The following TTC27 variants were observed in gnomAD, a reference collection of about 807,000 sequenced individuals.
TTC27 encodes the protein tetratricopeptide repeat protein 27.
A neutral mutation model predicts 115.9 loss-of-function variants in TTC27; 79 were observed. The ratio of observed to expected loss-of-function variants is 0.68; its 90% CI spans 0.57 to 0.82. The LOEUF is 0.82. Among genes scored for constraint, TTC27 ranks in the 40% least tolerant of loss-of-function variants. The pLI, the probability that TTC27 is intolerant of heterozygous loss-of-function variation, is 0.00. For missense variants in TTC27, 1,054 were observed against 993.1 expected, an observed-to-expected ratio of 1.06 and a Z score of -0.82; for synonymous variants, 401 against 356.0, an observed-to-expected ratio of 1.13 and a Z score of -1.42.
At chr2:32,793,549 G>A (rs1220344500) in intron 16 of TTC27, among the ~76,000 whole-genome samples, 1 of 152,168 alleles carries the variant, frequency 6.6e-6, no homozygotes, top group Admixed American at 6.5e-5. Context: ...TTGAGATGGA[G>A]TCTCGCTCTG....
chr2:32,735,026 A>G (rs997702843), intron 11 of TTC27, among the ~76,000 whole-genome samples: 1 of 152,168 alleles, frequency 6.6e-6, no homozygotes, highest in Non-Finnish European at 1.5e-5. Flanking sequence ...TATTTTAACC[A>G]GTTTTCTGTC....
At chr2:32,760,409 TGGGGACGTGTGGG>T (rs759669046) in intron 13 of TTC27, among the ~76,000 whole-genome samples, 3 of 152,082 alleles carry the variant, frequency 2.0e-5, no homozygotes, top group African/African-American at 4.8e-5. Flanking sequence ...GTTTTGACAG[TGGGGACGTGTGGG>T]GATGTGCTAC....
chr2:32,647,121 A>C (rs1221960138), intron 4 of TTC27, among the ~76,000 whole-genome samples: 1 of 151,822 alleles, frequency 6.6e-6, no homozygotes, highest in Non-Finnish European at 1.5e-5. Context: ...CCTAAAAAAC[A>C]ATTTTTGTAG....
At chr2:32,657,356 T>C (rs916939851) in intron 5 of TTC27, among the ~76,000 whole-genome samples, 8 of 147,730 alleles carry the variant, frequency 5.4e-5, no homozygotes, top group African/African-American at 2.0e-4. Context: ...TGTCTTTCTT[T>C]TTTTTTTTTT....
chr2:32,698,034 A>T (rs980911164), intron 9 of TTC27, among the ~76,000 whole-genome samples: 1 of 152,182 alleles, frequency 6.6e-6, no homozygotes, highest in Non-Finnish European at 1.5e-5. Context: ...GTGCCTGGCC[A>T]GTAATAATTA....
intron 10 of TTC27, among the ~76,000 whole-genome samples, chr2:32,725,292 C>G (rs1370211165): frequency 2.6e-5 from 4 of 152,180 alleles, no homozygotes; most frequent in Non-Finnish European, 4.4e-5. Context: ...GAAGTCTCAT[C>G]CAAGACAAGG....
intron 9 of TTC27, among the ~76,000 whole-genome samples, chr2:32,682,299 C>T (rs1206894755): frequency 1.3e-5 from 2 of 151,954 alleles, no homozygotes; most frequent in African/African-American, 2.4e-5. Context: ...CTTTCTCTTC[C>T]GTAAAATGGG....
At chr2:32,637,330 TTTTC>T (rs1664466310) in intron 3 of TTC27, among the ~76,000 whole-genome samples, 2 of 152,048 alleles carry the variant, frequency 1.3e-5, no homozygotes, top group Admixed American at 6.6e-5. Flanking sequence ...TTCTTTTTCT[TTTTC>T]TTTCTTTTTT....
chr2:32,754,469 A>G (rs1291214265), intron 12 of TTC27, among the ~76,000 whole-genome samples: 1 of 149,770 alleles, frequency 6.7e-6, no homozygotes, highest in African/African-American at 2.5e-5. Context: ...GGGTAAGGTC[A>G]TAGATCAACA....
At chr2:32,725,735 G>T (rs1427565874) in intron 10 of TTC27, among the ~76,000 whole-genome samples, 1 of 152,226 alleles carries the variant, frequency 6.6e-6, no homozygotes, top group Non-Finnish European at 1.5e-5. Flanking sequence ...CAGTGCCTCA[G>T]TAGGGACTCT....
At chr2:32,763,313 T>C (rs1291989085) in intron 13 of TTC27, among the ~76,000 whole-genome samples, 1 of 152,230 alleles carries the variant, frequency 6.6e-6, no homozygotes, top group Admixed American at 6.5e-5. Context: ...AGAACGCCTA[T>C]ATGCTATGTT....
At chr2:32,780,901 A>T (rs1670154593) in intron 14 of TTC27, among the ~76,000 whole-genome samples, 1 of 151,200 alleles carries the variant, frequency 6.6e-6, no homozygotes, top group Non-Finnish European at 1.5e-5. Flanking sequence ...AAAGATCTAA[A>T]TTTAATGTTT....
chr2:32,762,298 TG>T (rs1402541070), intron 13 of TTC27, among the ~76,000 whole-genome samples: 6 of 149,452 alleles, frequency 4.0e-5, no homozygotes, highest in Non-Finnish European at 8.9e-5. Flanking sequence ...TGTGTGTGTG[TG>T]TGTGTGTGTG....
At position 32,813,946 on chromosome 2, in the gene TTC27, G is replaced by A. The variant is rs558530703; in HGVS notation, c.2308+1331G>A. ...TTTTGGGGGTGGTTAGAATTCATGTGGCTTCTACTGACCTCATGATGGGTG... is the reference window on the plus strand; with the variant it reads ...TTTTGGGGGTGGTTAGAATTCATGTAGCTTCTACTGACCTCATGATGGGTG... On this transcript the variant is annotated intron_variant, in intron 18 of 19. Transcript: ENST00000317907. 3.3e-5 allele frequency among the ~76,000 whole-genome samples: 5 copies of A among 152,268 alleles called. No individual in the cohort carries two copies. In the South Asian group the frequency reaches 1.0e-3, roughly 32 times the overall value.
intron 13 of TTC27, among the ~76,000 whole-genome samples, chr2:32,767,044 C>G (rs895274046): frequency 6.6e-6 from 1 of 152,178 alleles, no homozygotes; most frequent in Non-Finnish European, 1.5e-5. Context: ...GCTTGACCTT[C>G]CAAAGTGTTG....
At chr2:32,675,521 G>T (rs1287550513) in intron 8 of TTC27, among the ~76,000 whole-genome samples, 2 of 152,090 alleles carry the variant, frequency 1.3e-5, no homozygotes, top group Non-Finnish European at 2.9e-5. Context: ...TTCACCGGCA[G>T]TTTAACTCTT....
At chr2:32,703,802 C>T (rs368718115) in intron 10 of TTC27, among the ~76,000 whole-genome samples, 13 of 152,280 alleles carry the variant, frequency 8.5e-5, no homozygotes, top group African/African-American at 1.7e-4. Context: ...GATTTCGTAA[C>T]GTCAATGTCT....
intron 16 of TTC27, among the ~76,000 whole-genome samples, chr2:32,795,300 AT>A (rs1033926985): frequency 2.6e-5 from 4 of 152,030 alleles, no homozygotes; most frequent in African/African-American, 9.7e-5. Flanking sequence ...AACATATGAA[AT>A]AGATCAATAT....
rs999342467 is a variant in TTC27, at chr2:32,656,343, A to C, written c.640+6110A>C. 4.6e-5 allele frequency among the ~76,000 whole-genome samples: 7 copies of C among 152,326 alleles called. No individual in the cohort carries two copies. The South Asian group carries it at 1.5e-3, about 32-fold the overall frequency. ...TTGTTCTGAACCGGGAGGTCAGAGA[A>C]ACCTTCACGAAGTGGCTGATACTTG... On this transcript the variant is annotated intron_variant, in intron 5 of 19. Coordinates refer to ENST00000317907, the MANE Select transcript of TTC27 (RefSeq NM_017735.5).
Sources: allele counts gnomAD v4.1 joint callset (sites outside exome capture counted in the v4.1 genomes callset), GRCh38; gene constraint gnomAD v4.1.1; transcripts MANE v1.5; gene names NCBI Gene and HGNC (gene_info 2026-07-23, HGNC 2026-07-21).